ZFHX3: variants seen among roughly 807,000 people sequenced by gnomAD.
ZFHX3 encodes the protein zinc finger homeobox protein 3.
A neutral mutation model predicts 279.1 loss-of-function variants in ZFHX3; 42 were observed. The observed-to-expected ratio is 0.15, with a 90% CI of 0.12 to 0.19. ZFHX3 has a LOEUF of 0.19. ZFHX3 is among the 10% of genes least tolerant of loss of function. The pLI, the probability that ZFHX3 is intolerant of heterozygous loss-of-function variation, is 1.00. For synonymous variants in ZFHX3, 2,293 were observed against 1,957.8 expected, an observed-to-expected ratio of 1.17 and a Z score of -4.52; for missense variants, 4,981 against 4,754.0, an observed-to-expected ratio of 1.05 and a Z score of -1.40.
chr16:72,991,496 A>G (rs759111107), intron 1 of ZFHX3, among the ~76,000 whole-genome samples: 1 of 152,246 alleles, frequency 6.6e-6, no homozygotes, highest in East Asian at 1.9e-4. Flanking sequence ...TTCATCACTC[A>G]TATGATGGGT....
At chr16:73,014,764 G>A (rs1172906404) in intron 1 of ZFHX3, among the ~76,000 whole-genome samples, 8 of 151,558 alleles carry the variant, frequency 5.3e-5, no homozygotes, top group Non-Finnish European at 8.8e-5. Flanking sequence ...CACCTGCCTC[G>A]GCCTCCCAAA....
At chr16:73,664,673 G>A (rs1323771352) in intron 2 of ZFHX3, among the ~76,000 whole-genome samples, 1 of 152,148 alleles carries the variant, frequency 6.6e-6, no homozygotes, top group Non-Finnish European at 1.5e-5. Flanking sequence ...TCATTTAGAT[G>A]TCCATTAAGA....
intron 2 of ZFHX3, chr16:73,487,700 C>G (rs2018998820): frequency 5.6e-6 from 1 of 178,774 alleles, no homozygotes; most frequent in Non-Finnish European, 1.2e-5. Flanking sequence ...CCACTGCGCT[C>G]AGCTCATGTG....
chr16:72,827,516 C>T (rs543189561), intron 5 of ZFHX3, among the ~76,000 whole-genome samples: 1 of 152,298 alleles, frequency 6.6e-6, no homozygotes, highest in East Asian at 1.9e-4. Flanking sequence ...CAACAAAGGA[C>T]AGATGGCTCA....
At chr16:72,832,513 C>T (rs889007309) in intron 4 of ZFHX3, among the ~76,000 whole-genome samples, 2 of 152,176 alleles carry the variant, frequency 1.3e-5, no homozygotes, top group African/African-American at 4.8e-5. Flanking sequence ...ATTTACAAAT[C>T]AAGTCCTCTT....
At chr16:72,861,967 A>T (rs979430126) in intron 4 of ZFHX3, among the ~76,000 whole-genome samples, 4 of 152,204 alleles carry the variant, frequency 2.6e-5, no homozygotes, top group African/African-American at 9.6e-5. Context: ...ATGAGTCAAG[A>T]TCATGCCACT....
intron 5 of ZFHX3, among the ~76,000 whole-genome samples, chr16:73,250,159 A>G (rs1251929376): frequency 6.6e-6 from 1 of 152,232 alleles, no homozygotes; most frequent in African/African-American, 2.4e-5. Context: ...ATAGCTTCTT[A>G]CCCTTTCAGG....
At chr16:72,913,531 T>C (rs147810869) in intron 3 of ZFHX3, among the ~76,000 whole-genome samples, 190 of 152,320 alleles carry the variant, frequency 1.2e-3, no homozygotes, top group African/African-American at 4.1e-3. Flanking sequence ...TCAGGGGCTA[T>C]GTGACATCAA....
In ZFHX3 at chr16:72,880,589, C is replaced by T. The variant is rs191254013; in HGVS notation, c.3448+9142G>A. Among the ~76,000 whole-genome samples the T allele has an allele frequency of 5.4e-3, 825 of 152,152 alleles. 23 individuals carry two copies. Among genetic ancestry groups the T allele is most frequent in the Non-Finnish European group, 2.6e-3 (178 of 68,012 alleles). On this transcript the variant is annotated intron_variant, in intron 4 of 9. Coordinates refer to ENST00000268489, the MANE Select transcript of ZFHX3 (RefSeq NM_006885.4). ...TTTTGTTTCAGCCAACCAATGGAAA[C>T]GGGGGGTGAAAAATACACACATTCT...
In ZFHX3 at chr16:73,639,847, A is replaced by C. The variant is rs918778654; in HGVS notation, c.-1547+40333T>G. On this transcript the variant is annotated intron_variant, in intron 2 of 17. Coordinates refer to the ZFHX3 transcript ENST00000641206. ...CAACAATGGATTAGAAATGTCAACAAATCTTTAAGGAAAAAAAGCCATGAT... is the reference window on the plus strand; with the variant it reads ...CAACAATGGATTAGAAATGTCAACACATCTTTAAGGAAAAAAAGCCATGAT... Among the ~76,000 whole-genome samples the C allele has an allele frequency of 5.3e-5, 8 of 152,300 alleles. No homozygotes were observed. The East Asian group carries it at 1.5e-3, about 29-fold the overall frequency.
intron 3 of ZFHX3, among the ~76,000 whole-genome samples, chr16:73,422,535 A>G (rs1366760343): frequency 1.3e-5 from 2 of 152,174 alleles, no homozygotes; most frequent in Non-Finnish European, 2.9e-5. Context: ...CCCCAAATCA[A>G]AGTCATTTTT....
chr16:73,818,191 T>G (rs1960631944), intron 1 of ZFHX3, among the ~76,000 whole-genome samples: 1 of 152,194 alleles, frequency 6.6e-6, no homozygotes, highest in South Asian at 2.1e-4. Context: ...ATTGATTTAT[T>G]TTATCATTTG....
At chr16:73,715,562 CTTTTTTTTTTT>C (rs949665075) in intron 1 of ZFHX3, among the ~76,000 whole-genome samples, 6 of 63,016 alleles carry the variant, frequency 9.5e-5, no homozygotes, top group Non-Finnish European at 1.8e-4. Context: ...CACAGCTGGT[CTTTTTTTTTTT>C]TTTTTTTTTT....
intron 1 of ZFHX3, among the ~76,000 whole-genome samples, chr16:73,772,359 G>A (rs990266891): frequency 3.9e-5 from 6 of 152,214 alleles, no homozygotes; most frequent in Non-Finnish European, 5.9e-5. Context: ...GAGAGAGCTT[G>A]TGCAGATAAA....
At chr16:72,980,602 T>C (rs2144539440) in intron 1 of ZFHX3, among the ~76,000 whole-genome samples, 1 of 139,662 alleles carries the variant, frequency 7.2e-6, no homozygotes, top group East Asian at 2.0e-4. Flanking sequence ...CTACCAAAAG[T>C]TAAAAAAAAA....
intron 7 of ZFHX3, among the ~76,000 whole-genome samples, chr16:73,096,921 C>G (rs1324267823): frequency 6.6e-6 from 1 of 152,156 alleles, no homozygotes; most frequent in East Asian, 1.9e-4. Context: ...GAGATGAGAT[C>G]TTAAAACACA....
chr16:73,355,489 G>A (rs1010240752), intron 3 of ZFHX3, among the ~76,000 whole-genome samples: 6 of 152,160 alleles, frequency 3.9e-5, no homozygotes, highest in Admixed American at 3.3e-4. Context: ...CTTTTTGGTG[G>A]CTACCTCTTC....
chr16:73,291,432 A>C (rs1339075188), intron 4 of ZFHX3, among the ~76,000 whole-genome samples: 1 of 152,204 alleles, frequency 6.6e-6, no homozygotes, highest in Non-Finnish European at 1.5e-5. Flanking sequence ...GCTGGTTATG[A>C]GATTATACGC....
At chr16:73,619,366 T>C (rs1411138298) in intron 2 of ZFHX3, among the ~76,000 whole-genome samples, 7 of 151,672 alleles carry the variant, frequency 4.6e-5, no homozygotes, top group Admixed American at 4.6e-4. Flanking sequence ...CGGGCACCTA[T>C]AGTCCCAGCT....
Sources: gnomAD v4.1 joint callset for allele counts (sites outside exome capture counted in the v4.1 genomes callset) on GRCh38, gnomAD v4.1.1 for gene constraint, MANE v1.5 for transcripts, NCBI Gene and HGNC (gene_info 2026-07-23, HGNC 2026-07-21) for gene names.